NCOR1: variants seen among roughly 807,000 people sequenced by gnomAD.
NCOR1 encodes protein phosphatase 1, regulatory subunit 109.
A neutral mutation model predicts 288.1 loss-of-function variants in NCOR1; 63 were observed. The ratio of observed to expected loss-of-function variants is 0.22; its 90% CI spans 0.18 to 0.27. The LOEUF (loss-of-function observed/expected upper bound fraction) is 0.27. NCOR1 is among the 10% of genes least tolerant of loss of function. NCOR1 has a pLI of 1.00. For missense variants in NCOR1, 2,397 were observed against 3,019.2 expected (o/e 0.79, Z 4.83); for synonymous variants, 1,007 against 1,065.9 (o/e 0.94, Z 1.08).
intron 1 of NCOR1, among the ~76,000 whole-genome samples, chr17:16,204,311 T>C (rs1457527714): frequency 6.6e-6 from 1 of 152,134 alleles, no homozygotes; most frequent in Non-Finnish European, 1.5e-5. Flanking sequence ...TCCCCCAAAA[T>C]ATGTCTCACT....
chr17:16,187,177 G>A (rs1228165037), intron 2 of NCOR1, among the ~76,000 whole-genome samples: 2 of 150,286 alleles, frequency 1.3e-5, no homozygotes, highest in African/African-American at 4.9e-5. Flanking sequence ...GTTTGTTTTT[G>A]TACCTTTCCT....
chr17:16,049,086 G>A, intron 40 of NCOR1, 98 bp from the exon 41 acceptor site: 1 of 1,288,766 alleles, frequency 7.8e-7, no homozygotes, highest in Non-Finnish European at 1.0e-6. Flanking sequence ...TCAGGAGAAG[G>A]AGCAAAAGCT....
At chr17:16,154,845 G>A (rs2079458846) in intron 6 of NCOR1, among the ~76,000 whole-genome samples, 1 of 152,170 alleles carries the variant, frequency 6.6e-6, no homozygotes, top group African/African-American at 2.4e-5. Context: ...GATAAAGGTA[G>A]AGGAAAGAAG....
At chr17:16,138,970 T>C (rs1018299934) in intron 12 of NCOR1, 38 bp downstream of exon 12, 2 of 1,390,490 alleles carry the variant, frequency 1.4e-6, no homozygotes, top group South Asian at 1.5e-5. Flanking sequence ...CTAACTTATG[T>C]AGATGTCTAT....
chr17:16,171,853 A>C lies in NCOR1; in HGVS notation c.385T>G (p.Leu129Val). The C allele has an allele frequency of 6.2e-7, 1 of 1,612,302 alleles. No individual in the cohort carries two copies. The highest frequency in any genetic ancestry group is 8.5e-7 in the Non-Finnish European group (1 of 1,179,350). ...AGCCCTTCTGGCAGCGGGTGCACTA[A>C]AGGCAAAACCGCAGCACTGACACGC... ...FQRVSAAVLP[L>V]VHPLPEGLRA... The change falls in exon 4 of 46, where the codon TTA (leucine) becomes GTA (valine). Residue 129 changes from leucine to valine, a missense_variant. This residue lies in a region of NCOR1 where 110 missense variants were observed against 123.2 expected (regional missense o/e 0.89). Transcript: ENST00000268712.
chr17:16,215,481 G>A lies in NCOR1; in HGVS notation c.-190C>T, dbSNP rs993580863. On this transcript the variant is annotated 5_prime_UTR_variant, in exon 1 of 46. Coordinates refer to ENST00000268712, the MANE Select transcript of NCOR1 (RefSeq NM_006311.4). ...CGCGGCGAGTCGGACGCTCACTCCA[G>A]CCGCCGCCGCCGCCGCGGCTGCTGC... 43 of 392,824 alleles carry A rather than the reference G, an allele frequency of 1.1e-4. No individual in the cohort carries two copies. The Admixed American group carries it at 1.6e-3, about 15-fold the overall frequency. The allele number at this position is 392,824 out of a possible 1,614,324, so 24.3% of individuals were successfully genotyped here.
intron 21 of NCOR1, among the ~76,000 whole-genome samples, chr17:16,096,137 T>G (rs889386224): frequency 3.9e-5 from 6 of 152,140 alleles, no homozygotes; most frequent in African/African-American, 1.4e-4. Context: ...AGCATACTCG[T>G]TGAGAGTCAT....
intron 32 of NCOR1, 105 bp from the exon 33 acceptor site, chr17:16,065,799 T>A: frequency 1.0e-6 from 1 of 987,534 alleles, no homozygotes; most frequent in Admixed American, 2.0e-5. Flanking sequence ...GCTGAGCTAG[T>A]GCACATGGAA....
intron 1 of NCOR1, among the ~76,000 whole-genome samples, chr17:16,197,647 T>C (rs2090086082): frequency 6.6e-6 from 1 of 152,192 alleles, no homozygotes; most frequent in African/African-American, 2.4e-5. Flanking sequence ...AAACTAATGT[T>C]TTCTGCAATG....
intron 22 of NCOR1, among the ~76,000 whole-genome samples, chr17:16,089,915 CT>C: frequency 6.6e-6 from 1 of 152,096 alleles, no homozygotes; most frequent in Non-Finnish European, 1.5e-5. Context: ...TTTGGATAAA[CT>C]TGCCCTACTT....
chr17:16,173,061 G>C (rs1048526643), intron 3 of NCOR1, among the ~76,000 whole-genome samples: 8 of 152,098 alleles, frequency 5.3e-5, no homozygotes, highest in African/African-American at 1.9e-4. Context: ...CTCCCCGGTA[G>C]CTGGGATTAC....
chr17:16,181,748 G>A (rs770163827), intron 3 of NCOR1, among the ~76,000 whole-genome samples: 1 of 151,938 alleles, frequency 6.6e-6, no homozygotes, highest in Non-Finnish European at 1.5e-5. Flanking sequence ...TAACTTGAGG[G>A]CTCTACAAAA....
chr17:16,205,222 C>CA (rs1286045512), intron 1 of NCOR1, among the ~76,000 whole-genome samples: 104 of 117,014 alleles, frequency 8.9e-4, no homozygotes, highest in Middle Eastern at 5.0e-3. Flanking sequence ...CTCTGTCTCA[C>CA]AAAAAAAAAA....
At chr17:16,120,293 C>A (rs1486941881) in intron 16 of NCOR1, among the ~76,000 whole-genome samples, 1 of 152,086 alleles carries the variant, frequency 6.6e-6, no homozygotes, top group Non-Finnish European at 1.5e-5. Context: ...TCCAAAGACA[C>A]AAATCTAATC....
chr17:16,144,209 T>A (rs148156774), intron 10 of NCOR1, among the ~76,000 whole-genome samples: 1,700 of 152,314 alleles, frequency 0.011, 36 homozygotes, highest in African/African-American at 0.038. Flanking sequence ...TCAAAGAATT[T>A]CTTAATTGGC....
intron 1 of NCOR1, among the ~76,000 whole-genome samples, chr17:16,214,630 A>C (rs1015018114): frequency 6.6e-6 from 1 of 152,174 alleles, no homozygotes; most frequent in African/African-American, 2.4e-5. Context: ...GTTTTCGTCC[A>C]TATCACTTAT....
intron 42 of NCOR1, chr17:16,044,812 G>T (rs2058386755): frequency 1.8e-6 from 2 of 1,103,118 alleles, no homozygotes; most frequent in African/African-American, 1.5e-5. Flanking sequence ...ACAATGTAGG[G>T]GCTGGTGGAC....
intron 20 of NCOR1, among the ~76,000 whole-genome samples, chr17:16,099,915 C>T (rs2067291733): frequency 6.6e-6 from 1 of 152,010 alleles, no homozygotes. Context: ...CTATAATGCT[C>T]CATATTATTA....
At chr17:16,075,790 G>A (rs911352498) in intron 26 of NCOR1, 88 bp from the exon 27 acceptor site, 26 of 1,430,592 alleles carry the variant, frequency 1.8e-5, no homozygotes, top group Non-Finnish European at 2.5e-5. Context: ...CTATGACAGA[G>A]TCAGGCTAAT....
Sources: allele counts gnomAD v4.1 joint callset (sites outside exome capture counted in the v4.1 genomes callset), GRCh38; gene constraint gnomAD v4.1.1; regional missense constraint gnomAD v4.1.1; transcripts MANE v1.5; gene names NCBI Gene and HGNC (gene_info 2026-07-23, HGNC 2026-07-21).